The following C8orf89 variants were observed in gnomAD, a reference collection of about 807,000 sequenced individuals.
The protein encoded by C8orf89 is putative uncharacterized protein C8orf89.
In C8orf89, 14 loss-of-function variants were observed where a neutral mutation model predicts 15.8. The ratio of observed to expected loss-of-function variants is 0.89; its 90% CI spans 0.59 to 1.39. C8orf89 has a LOEUF of 1.39. C8orf89 is among the 40% of genes most tolerant of loss of function. The pLI, the probability that C8orf89 is intolerant of heterozygous loss-of-function variation, is 0.00. For synonymous variants in C8orf89, 55 were observed against 62.2 expected (o/e 0.88, Z 0.54); for missense variants, 181 against 184.5 (o/e 0.98, Z 0.11).
chr8:73,278,830 G>A, the C8orf89 span, among the ~76,000 whole-genome samples: 1 of 152,120 alleles, frequency 6.6e-6, no homozygotes, highest in Non-Finnish European at 1.5e-5. Flanking sequence ...TGTGTTCAGT[G>A]ACTATCTTTA....
the C8orf89 span, chr8:73,277,549 C>T: frequency 2.6e-6 from 2 of 762,288 alleles, no homozygotes; most frequent in East Asian, 4.9e-5. Flanking sequence ...AGAGAAGCCT[C>T]CATTCCAGGC....
At chr8:73,274,889 T>C in the C8orf89 span, among the ~76,000 whole-genome samples, 2 of 152,242 alleles carry the variant, frequency 1.3e-5, no homozygotes, top group Admixed American at 6.5e-5. Flanking sequence ...ATTTAGTTTA[T>C]TGATTTTAGC....
chr8:73,264,578 C>T, the C8orf89 span, among the ~76,000 whole-genome samples: 7 of 152,176 alleles, frequency 4.6e-5, no homozygotes, highest in African/African-American at 1.7e-4. Flanking sequence ...ACAACCTCCA[C>T]CTCCCGGGTT....
At chr8:73,244,752 C>T (rs1411957255) in intron 3 of C8orf89, among the ~76,000 whole-genome samples, 3 of 152,100 alleles carry the variant, frequency 2.0e-5, no homozygotes, top group Non-Finnish European at 4.4e-5. Context: ...GGACTTGACA[C>T]TTTAAAAGAC....
the C8orf89 span, among the ~76,000 whole-genome samples, chr8:73,271,627 C>G: frequency 6.6e-6 from 1 of 152,192 alleles, no homozygotes; most frequent in African/African-American, 2.4e-5. Flanking sequence ...ATAAATTACC[C>G]AGCCTCAGGT....
chr8:73,273,253 G>T, the C8orf89 span, among the ~76,000 whole-genome samples: 1 of 152,204 alleles, frequency 6.6e-6, no homozygotes, highest in Non-Finnish European at 1.5e-5. Context: ...CAGCCACCCA[G>T]CCATGGCTGC....
At chr8:73,258,409 C>CAAAAAAAAAAAAAAAAAAAAAAAAAAAA (rs34265425) in intron 1 of C8orf89, among the ~76,000 whole-genome samples, 1 of 69,158 alleles carries the variant, frequency 1.4e-5, no homozygotes, top group Non-Finnish European at 2.7e-5. Context: ...GACTCCATCT[C>CAAAAAAAAAAAAAAAAAAAAAAAAAAAA]AAAAAAAAAA....
intron 3 of C8orf89, among the ~76,000 whole-genome samples, chr8:73,248,661 T>C (rs1813181142): frequency 6.6e-6 from 1 of 152,208 alleles, no homozygotes; most frequent in Non-Finnish European, 1.5e-5. Flanking sequence ...TTCACCTCCC[T>C]GGTTAGCTGT....
the C8orf89 span, among the ~76,000 whole-genome samples, chr8:73,265,213 CA>C: frequency 2.4e-4 from 37 of 152,058 alleles, no homozygotes; most frequent in African/African-American, 8.5e-4. Flanking sequence ...TCTCTTTTTG[CA>C]TTTTTAATGT....
the C8orf89 span, among the ~76,000 whole-genome samples, chr8:73,264,770 C>T: frequency 1.3e-5 from 2 of 152,164 alleles, no homozygotes; most frequent in Admixed American, 6.5e-5. Context: ...GGATTACAGG[C>T]GTGAGCCACC....
chr8:73,262,261 T>C (rs1050952631), upstream of C8orf89, among the ~76,000 whole-genome samples: 8 of 152,134 alleles, frequency 5.3e-5, no homozygotes, highest in Non-Finnish European at 8.8e-5. Flanking sequence ...GCCCCTCTTC[T>C]AGGACAGAAG....
intron 3 of C8orf89, among the ~76,000 whole-genome samples, chr8:73,247,523 T>C (rs796084548): frequency 9.2e-5 from 14 of 152,304 alleles, no homozygotes; most frequent in African/African-American, 3.4e-4. Flanking sequence ...ACCACACTGT[T>C]TCCTACAATG....
chr8:73,284,647 A>G, the C8orf89 span, among the ~76,000 whole-genome samples: 2 of 152,346 alleles, frequency 1.3e-5, no homozygotes, highest in East Asian at 3.9e-4. Flanking sequence ...AAGTAAAGAA[A>G]GGCATAGACC....
At chr8:73,281,110 G>C in the C8orf89 span, among the ~76,000 whole-genome samples, 1 of 151,886 alleles carries the variant, frequency 6.6e-6, no homozygotes, top group Admixed American at 6.6e-5. Context: ...TCTACTTCTG[G>C]GAATTTATCC....
chr8:73,282,186 T>C, the C8orf89 span, among the ~76,000 whole-genome samples: 3 of 152,194 alleles, frequency 2.0e-5, no homozygotes, highest in African/African-American at 7.2e-5. Context: ...CATAAATGTG[T>C]CACGTGCACA....
the C8orf89 span, among the ~76,000 whole-genome samples, chr8:73,272,083 G>A: frequency 2.2e-4 from 33 of 152,244 alleles, no homozygotes; most frequent in South Asian, 6.4e-3. Context: ...GCTGGGGTAG[G>A]GGATGTATAG....
At chr8:73,262,634 T>C (rs1055240398), upstream of C8orf89, among the ~76,000 whole-genome samples, 40 of 151,684 alleles carry the variant, frequency 2.6e-4, no homozygotes, top group African/African-American at 9.7e-4. Flanking sequence ...CCAGGCAACA[T>C]AGTGAGACCC....
chr8:73,276,766 C>G, the C8orf89 span, among the ~76,000 whole-genome samples: 1 of 149,636 alleles, frequency 6.7e-6, no homozygotes, highest in Admixed American at 6.7e-5. Context: ...AACAACAGCA[C>G]CCAAATACCA....
chr8:73,260,944 T>C (rs1345203231), upstream of C8orf89, among the ~76,000 whole-genome samples: 1 of 152,194 alleles, frequency 6.6e-6, no homozygotes, highest in Non-Finnish European at 1.5e-5. Context: ...GTGGAAGGAC[T>C]TGACCTGTTG....
Sources: allele counts gnomAD v4.1 joint callset (sites outside exome capture counted in the v4.1 genomes callset), GRCh38; gene constraint gnomAD v4.1.1; transcripts MANE v1.5; gene names NCBI Gene and HGNC (gene_info 2026-07-23, HGNC 2026-07-21).